NRG3: variants seen among roughly 807,000 people sequenced by gnomAD.
NRG3 encodes the protein pro-neuregulin-3, membrane-bound isoform.
In NRG3, 31 loss-of-function variants were observed where a neutral mutation model predicts 66.9. That is an observed-to-expected ratio of 0.46 (90% confidence interval 0.35 to 0.63). NRG3 has a LOEUF of 0.63. NRG3 is among the 20% of genes least tolerant of loss of function. NRG3 has a pLI of 0.00. For synonymous variants in NRG3, 393 were observed against 359.4 expected (o/e 1.09, Z -1.06); for missense variants, 910 against 878.9 (o/e 1.04, Z -0.45).
intron 2 of NRG3, among the ~76,000 whole-genome samples, chr10:82,514,227 A>G (rs1476266770): frequency 6.6e-6 from 1 of 152,120 alleles, no homozygotes; most frequent in Non-Finnish European, 1.5e-5. Flanking sequence ...CCTTGTTGCA[A>G]TTGCTTTTGA....
chr10:82,700,637 C>CT (rs1380518104), intron 2 of NRG3, among the ~76,000 whole-genome samples: 2 of 151,974 alleles, frequency 1.3e-5, no homozygotes, highest in African/African-American at 2.4e-5. Flanking sequence ...AGAATCATTT[C>CT]TTTTTTTTAA....
chr10:82,705,386 G>A (rs572899536), intron 2 of NRG3, among the ~76,000 whole-genome samples: 7 of 152,258 alleles, frequency 4.6e-5, no homozygotes, highest in South Asian at 2.1e-4. Flanking sequence ...AGAGGCTGTG[G>A]GGGGCAGAGC....
At chr10:82,828,656 A>G (rs956413802) in intron 3 of NRG3, among the ~76,000 whole-genome samples, 2 of 152,188 alleles carry the variant, frequency 1.3e-5, no homozygotes, top group African/African-American at 2.4e-5. Flanking sequence ...ACCATTACAC[A>G]TTTTTTAAAT....
intron 1 of NRG3, among the ~76,000 whole-genome samples, chr10:82,020,177 G>T (rs184480587): frequency 6.6e-6 from 1 of 152,100 alleles, no homozygotes; most frequent in Admixed American, 6.6e-5. Context: ...GTTATAAATT[G>T]TAAATTGTGA....
At chr10:82,534,920 T>G (rs950901989) in intron 2 of NRG3, among the ~76,000 whole-genome samples, 6 of 151,758 alleles carry the variant, frequency 4.0e-5, no homozygotes, top group African/African-American at 1.5e-4. Flanking sequence ...CCCAGCACTT[T>G]GGGAGGCCAA....
At chr10:82,185,865 A>G (rs1405133016) in intron 1 of NRG3, among the ~76,000 whole-genome samples, 1 of 152,192 alleles carries the variant, frequency 6.6e-6, no homozygotes, top group African/African-American at 2.4e-5. Flanking sequence ...TAGGTTTATC[A>G]TTCAATCTAA....
At chr10:82,030,417 G>C (rs1307518223) in intron 1 of NRG3, among the ~76,000 whole-genome samples, 1 of 152,106 alleles carries the variant, frequency 6.6e-6, no homozygotes, top group African/African-American at 2.4e-5. Flanking sequence ...CTCTGGGTCA[G>C]TTATGTAACT....
chr10:82,134,709 T>C (rs2069195967), intron 1 of NRG3, among the ~76,000 whole-genome samples: 1 of 152,174 alleles, frequency 6.6e-6, no homozygotes, highest in Non-Finnish European at 1.5e-5. Context: ...TCCAGCTTTG[T>C]TCTTTTTGCT....
At chr10:82,391,560 CATAAA>C (rs1458376872) in intron 2 of NRG3, among the ~76,000 whole-genome samples, 3 of 152,042 alleles carry the variant, frequency 2.0e-5, no homozygotes, top group African/African-American at 4.8e-5. Flanking sequence ...GCATTTTCCA[CATAAA>C]ATAAAAGCTC....
intron 3 of NRG3, among the ~76,000 whole-genome samples, chr10:82,752,851 A>G (rs760923247): frequency 6.6e-6 from 1 of 152,154 alleles, no homozygotes; most frequent in Non-Finnish European, 1.5e-5. Flanking sequence ...CCCAGCCTTT[A>G]GGATCATAAT....
chr10:82,026,461 G>A (rs143800092), intron 1 of NRG3, among the ~76,000 whole-genome samples: 3 of 151,996 alleles, frequency 2.0e-5, no homozygotes, highest in Non-Finnish European at 4.4e-5. Context: ...CTTCTGATAC[G>A]TGTTACTGAT....
chr10:82,914,497 A>G (rs904762846), intron 4 of NRG3, among the ~76,000 whole-genome samples: 29 of 152,142 alleles, frequency 1.9e-4, no homozygotes, highest in African/African-American at 6.3e-4. Context: ...TACAGGTGTC[A>G]GAGGCTAAAA....
intron 2 of NRG3, among the ~76,000 whole-genome samples, chr10:82,723,040 A>C (rs1330468323): frequency 6.6e-6 from 1 of 152,200 alleles, no homozygotes; most frequent in African/African-American, 2.4e-5. Context: ...TCACAGCACT[A>C]TTCACAACAG....
chr10:81,976,643 A>C (rs1289657514), intron 1 of NRG3, among the ~76,000 whole-genome samples: 1 of 152,214 alleles, frequency 6.6e-6, no homozygotes, highest in East Asian at 1.9e-4. Context: ...TTAGTGCAGA[A>C]TAAAATAGAG....
rs549630707 is a variant in NRG3 at position 82,893,065 on chromosome 10, A to G, written c.1054+27628A>G. On this transcript the variant is annotated intron_variant, in intron 4 of 8. Transcript: ENST00000372141. ...ATAGTGATTGATAGATCAAATAAAT[A>G]ATCAAAAATTTAAAAGATTATGTAT... 1.3e-3 allele frequency among the ~76,000 whole-genome samples: 194 copies of G among 152,316 alleles called. 1 individual carries two copies. In the South Asian group the frequency reaches 0.017, roughly 13 times the overall value.
chr10:82,583,829 T>C (rs575733178), intron 2 of NRG3, among the ~76,000 whole-genome samples: 34 of 152,284 alleles, frequency 2.2e-4, no homozygotes. Context: ...ACATAGCTGG[T>C]CTGGTATGTT....
intron 1 of NRG3, among the ~76,000 whole-genome samples, chr10:81,949,346 A>C (rs1467023349): frequency 3.3e-5 from 5 of 152,176 alleles, no homozygotes; most frequent in Non-Finnish European, 7.3e-5. Context: ...AAGGTTAATA[A>C]ATTCTTTACT....
At chr10:82,961,042 A>G (rs903060129) in intron 6 of NRG3, among the ~76,000 whole-genome samples, 29 of 152,236 alleles carry the variant, frequency 1.9e-4, no homozygotes, top group African/African-American at 7.0e-4. Context: ...TACTGCTGGA[A>G]TTAATAAACA....
chr10:82,935,856 T>C (rs1264006397), intron 4 of NRG3, among the ~76,000 whole-genome samples: 1 of 150,354 alleles, frequency 6.7e-6, no homozygotes, highest in Admixed American at 6.7e-5. Context: ...ACATATTGAA[T>C]CTTATAACAT....
Sources: gnomAD v4.1 joint callset for allele counts (sites outside exome capture counted in the v4.1 genomes callset) on GRCh38, gnomAD v4.1.1 for gene constraint, MANE v1.5 for transcripts, NCBI Gene and HGNC (gene_info 2026-07-23, HGNC 2026-07-21) for gene names.